The following LTBP2 variants were observed in gnomAD, a reference collection of about 807,000 sequenced individuals.
LTBP2 encodes the protein latent transforming growth factor beta binding protein 2.
Under a neutral mutation model 210.6 loss-of-function variants are expected in LTBP2, and 103 were observed. That is an observed-to-expected ratio of 0.49 (90% CI 0.42 to 0.58). LTBP2 has a LOEUF of 0.58. Among genes scored for constraint, LTBP2 ranks in the 20% least tolerant of loss-of-function variants. LTBP2 has a pLI of 0.00. For synonymous variants in LTBP2, 1,007 were observed against 1,015.0 expected (o/e 0.99, Z 0.15); for missense variants, 2,313 against 2,494.5 (o/e 0.93, Z 1.55).
At chr14:74,600,330 T>A (rs571497023) in intron 2 of LTBP2, among the ~76,000 whole-genome samples, 42 of 152,144 alleles carry the variant, frequency 2.8e-4, no homozygotes, top group Admixed American at 4.6e-4. Context: ...CCTGTATGCC[T>A]GGGTCAGGGT....
At chr14:74,501,364 C>G in intron 35 of LTBP2, 77 bp downstream of exon 35, 1 of 1,606,340 alleles carries the variant, frequency 6.2e-7, no homozygotes, top group Non-Finnish European at 8.5e-7. Flanking sequence ...AGCAGTGGCT[C>G]TTCCAGCCTT....
chr14:74,551,851 T>A lies in LTBP2; in HGVS notation c.1399+336A>T, dbSNP rs116799284. On this transcript the variant is annotated intron_variant, in intron 6 of 35. Transcript: ENST00000261978. ...ATAATGGAAGGCAGGGAAAATGAAA[T>A]GTTTTATGCTGATATTCTATTTCCC... 5.5e-3 allele frequency among the ~76,000 whole-genome samples: 836 copies of A among 152,272 alleles called. 5 individuals are homozygous for A. The highest frequency in any genetic ancestry group is 0.019 in the African/African-American group (807 of 41,536).
At chr14:74,522,082 G>A (rs1262753828) in intron 16 of LTBP2, 43 bp from the exon 17 acceptor site, 6 of 1,590,906 alleles carry the variant, frequency 3.8e-6, no homozygotes, top group East Asian at 2.3e-5. Context: ...GGGGCCAGCG[G>A]TGCCGTTCTT....
intron 7 of LTBP2, among the ~76,000 whole-genome samples, chr14:74,550,448 T>C (rs1029926771): frequency 1.3e-5 from 2 of 152,086 alleles, no homozygotes; most frequent in African/African-American, 2.4e-5. Context: ...TCAGATAGGG[T>C]TTCTGGAAAT....
At chr14:74,512,713 G>A (rs983152226) in intron 18 of LTBP2, among the ~76,000 whole-genome samples, 5 of 152,236 alleles carry the variant, frequency 3.3e-5, no homozygotes, top group African/African-American at 9.6e-5. Context: ...GTCTCTGCAA[G>A]GAGAGTCCCA....
Position 74,510,143 on chromosome 14 carries a change from T to C in LTBP2, c.3099A>G (p.Arg1033=). Reference sequence around the variant, plus strand: ...CCTCATAGCCCTGCTCACAAGAGCATCTGAAGGAGCCTTCTAGGTTGGTGC... The same window carrying C: ...CCTCATAGCCCTGCTCACAAGAGCACCTGAAGGAGCCTTCTAGGTTGGTGC... The part of the protein sequence containing the change: ...GKCTNLEGSF[R]CSCEQGYEVT... The change falls in exon 20 of 36, where the codon AGA becomes AGG. Residue 1033 remains arginine (R), a synonymous_variant. Transcript: ENST00000261978. 1 of 1,614,134 alleles carries C rather than the reference T, an allele frequency of 6.2e-7. No homozygotes were observed. Among genetic ancestry groups the C allele is most frequent in the Non-Finnish European group, 8.5e-7 (1 of 1,180,028 alleles).
At chr14:74,564,124 TTTA>T (rs2087843799) in intron 3 of LTBP2, among the ~76,000 whole-genome samples, 1 of 47,876 alleles carries the variant, frequency 2.1e-5, no homozygotes, top group African/African-American at 8.8e-5. Flanking sequence ...TATATATATA[TTTA>T]TATATATATT....
intron 3 of LTBP2, among the ~76,000 whole-genome samples, chr14:74,575,019 C>A (rs2088038347): frequency 6.6e-6 from 1 of 152,204 alleles, no homozygotes. Context: ...CTGTGCCCAG[C>A]ATGAGAAAAG....
At position 74,612,203 on chromosome 14, in the gene LTBP2, C is replaced by T; in HGVS notation, c.-259G>A. On this transcript the variant is annotated 5_prime_UTR_variant, in exon 1 of 36. Coordinates refer to ENST00000261978, the MANE Select transcript of LTBP2 (RefSeq NM_000428.3). ...TCGCGCCTCCTCCCTGTGCCTGCAG[C>T]CGTCTGAAGGGGACCCGGACGGTTT... is the stretch of plus-strand genomic sequence containing the variant. 2.1e-6 allele frequency: 1 copy of T among 478,704 alleles called. No individual in the cohort carries two copies. The highest frequency in any genetic ancestry group is 3.6e-6 in the Non-Finnish European group (1 of 274,644). 29.7% of individuals were successfully genotyped at this position (478,704 alleles called of 1,614,324 possible). A position where few individuals can be genotyped will look rare whatever the true frequency, so the allele number is the denominator to read the frequency against.
At chr14:74,589,674 C>A (rs919390846) in intron 2 of LTBP2, among the ~76,000 whole-genome samples, 3 of 152,248 alleles carry the variant, frequency 2.0e-5, no homozygotes, top group Admixed American at 1.3e-4. Flanking sequence ...CTGCCAGGCC[C>A]CTGTCACCAC....
intron 19 of LTBP2, 37 bp downstream of exon 19, chr14:74,511,208 G>A (rs758225054): frequency 9.9e-6 from 16 of 1,612,812 alleles, no homozygotes; most frequent in South Asian, 3.3e-5. Flanking sequence ...TCCCAAGGCC[G>A]AATGGCTGGC....
intron 12 of LTBP2, among the ~76,000 whole-genome samples, chr14:74,528,093 C>T (rs548588909): frequency 6.6e-6 from 1 of 152,204 alleles, no homozygotes; most frequent in Non-Finnish European, 1.5e-5. Flanking sequence ...GACTCCAAGG[C>T]CGGGCCAGGG....
rs542874874 is a variant in LTBP2, at chr14:74,507,280, G to A, written c.3806C>T (p.Pro1269Leu). The A allele has an allele frequency of 8.1e-6, 13 of 1,614,114 alleles. No homozygotes were observed. The highest frequency in any genetic ancestry group is 4.4e-5 in the South Asian group (4 of 91,078). Residue 1269 changes from proline to leucine, a missense_variant, in exon 26 of 36, where the codon CCG becomes CTG. Transcript: ENST00000261978. ...DIDECEDYGD[P>L]VCGTWKCENS... ...TTCACACTTCCAGGTGCCACACACC[G>A]GGTCTCCATAGTCCTCACACTCGTC...
intron 3 of LTBP2, among the ~76,000 whole-genome samples, chr14:74,582,960 C>T (rs969228576): frequency 6.6e-6 from 1 of 152,216 alleles, no homozygotes; most frequent in Admixed American, 6.5e-5. Context: ...TTTTGATCTC[C>T]AGGTGAGGCA....
At chr14:74,538,338 G>A (rs1443566561) in intron 8 of LTBP2, among the ~76,000 whole-genome samples, 2 of 152,142 alleles carry the variant, frequency 1.3e-5, no homozygotes, top group Non-Finnish European at 2.9e-5. Flanking sequence ...CTGATAGGTC[G>A]TCACGATTTT....
intron 33 of LTBP2, 85 bp downstream of exon 33, chr14:74,503,134 C>A: frequency 6.3e-7 from 1 of 1,579,552 alleles, no homozygotes; most frequent in Non-Finnish European, 8.6e-7. Flanking sequence ...CTCCTTCTTT[C>A]TAGATCCCCA....
At chr14:74,542,189 A>G (rs552258230) in intron 8 of LTBP2, among the ~76,000 whole-genome samples, 2 of 152,334 alleles carry the variant, frequency 1.3e-5, no homozygotes, top group Admixed American at 6.5e-5. Context: ...TGGTAAGGAC[A>G]TCGGGACATA....
intron 33 of LTBP2, 91 bp from the exon 34 acceptor site, chr14:74,503,025 G>T: frequency 6.5e-7 from 1 of 1,547,110 alleles, no homozygotes; most frequent in Non-Finnish European, 8.8e-7. Context: ...GCAAGGACTG[G>T]TACCCTCTGG....
chr14:74,532,112 C>T (rs935065617), intron 10 of LTBP2, among the ~76,000 whole-genome samples: 2 of 151,716 alleles, frequency 1.3e-5, no homozygotes, highest in Non-Finnish European at 2.9e-5. Flanking sequence ...CCAAAGAAAA[C>T]GAGGCTACAC....
Sources: allele counts gnomAD v4.1 joint callset (sites outside exome capture counted in the v4.1 genomes callset), GRCh38; gene constraint gnomAD v4.1.1; transcripts MANE v1.5; gene names NCBI Gene and HGNC (gene_info 2026-07-23, HGNC 2026-07-21).